TMEM62: variants seen among roughly 807,000 people sequenced by gnomAD.
TMEM62 encodes the protein transmembrane protein 62.
In TMEM62, 41 loss-of-function variants were observed where a neutral mutation model predicts 70.4. That is an observed-to-expected ratio of 0.58 (90% CI 0.45 to 0.76). TMEM62 has a LOEUF of 0.76. TMEM62 is among the 30% of genes least tolerant of loss of function. TMEM62 has a pLI of 0.00. For missense variants in TMEM62, 688 were observed against 788.5 expected, an observed-to-expected ratio of 0.87 and a Z score of 1.53; for synonymous variants, 268 against 291.0, an observed-to-expected ratio of 0.92 and a Z score of 0.80.
intron 8 of TMEM62, among the ~76,000 whole-genome samples, chr15:43,154,208 T>C (rs1402151765): frequency 6.6e-6 from 1 of 152,212 alleles, no homozygotes; most frequent in Non-Finnish European, 1.5e-5. Flanking sequence ...TTAGGTGTCA[T>C]ACTCTCTGAA....
chr15:43,151,867 T>A lies in TMEM62; in HGVS notation c.944T>A (p.Ile315Asn), dbSNP rs774445765. Residue 315 changes from isoleucine to asparagine, a missense_variant, in exon 8 of 14, where the codon ATC becomes AAC. By Grantham distance (149) the Ile-to-Asn change is moderately radical. Transcript: ENST00000260403. ...TTTGGGAAGTGGCCTGTGGTTCTTA[T>A]CACCAATCCTAAATCACTCCTTTAT... ...LIFGKWPVVL[I>N]TNPKSLLYSC... 1 of 1,614,038 alleles carries A rather than the reference T, an allele frequency of 6.2e-7. No individual in the cohort carries two copies. Among genetic ancestry groups the A allele is most frequent in the Non-Finnish European group, 8.5e-7 (1 of 1,179,944 alleles).
chr15:43,134,196 C>T (rs1272298817), intron 1 of TMEM62, 61 bp from the exon 2 acceptor site: 8 of 1,559,170 alleles, frequency 5.1e-6, no homozygotes, highest in Non-Finnish European at 7.1e-6. Flanking sequence ...CGCTGAGCCG[C>T]CCCTCCCCAT....
intron 4 of TMEM62, among the ~76,000 whole-genome samples, chr15:43,142,005 A>G (rs149997591): frequency 6.6e-6 from 1 of 152,344 alleles, no homozygotes; most frequent in African/African-American, 2.4e-5. Flanking sequence ...TTGAGAAGGA[A>G]TCTACTCCTT....
chr15:43,182,979 T>C (rs144335170), intron 13 of TMEM62, among the ~76,000 whole-genome samples: 8 of 152,374 alleles, frequency 5.3e-5, no homozygotes, highest in African/African-American at 1.9e-4. Flanking sequence ...CAAGTGCCTC[T>C]ATATCCAATG....
intron 9 of TMEM62, among the ~76,000 whole-genome samples, chr15:43,157,879 T>C (rs935166655): frequency 2.0e-5 from 3 of 152,240 alleles, no homozygotes; most frequent in Non-Finnish European, 2.9e-5. Context: ...AATAGATATG[T>C]ATATTTTCAT....
At chr15:43,150,472 G>A (rs1022189441) in intron 7 of TMEM62, among the ~76,000 whole-genome samples, 1 of 152,134 alleles carries the variant, frequency 6.6e-6, no homozygotes, top group African/African-American at 2.4e-5. Flanking sequence ...CAGATAAAAG[G>A]ACCTAAACTT....
At chr15:43,159,195 G>T (rs916013595) in intron 9 of TMEM62, among the ~76,000 whole-genome samples, 1 of 152,268 alleles carries the variant, frequency 6.6e-6, no homozygotes, top group South Asian at 2.1e-4. Flanking sequence ...TCACATCATG[G>T]AAAATGGAGT....
intron 4 of TMEM62, among the ~76,000 whole-genome samples, chr15:43,142,327 C>T (rs576284184): frequency 8.4e-4 from 128 of 151,672 alleles, no homozygotes; most frequent in Non-Finnish European, 1.4e-3. Flanking sequence ...CACCATGACC[C>T]GCTAATTTTT....
chr15:43,135,752 AC>A (rs1455344214), intron 3 of TMEM62, 103 bp downstream of exon 3: 1 of 1,325,744 alleles, frequency 7.5e-7, no homozygotes, highest in African/African-American at 1.5e-5. Context: ...TGGGACATTT[AC>A]ATATACTAAA....
intron 9 of TMEM62, among the ~76,000 whole-genome samples, chr15:43,155,334 A>C (rs2037915098): frequency 6.6e-6 from 1 of 151,874 alleles, no homozygotes; most frequent in Non-Finnish European, 1.5e-5. Flanking sequence ...GCATCTCAAC[A>C]AAAAAATAAA....
At chr15:43,157,608 A>G (rs1018298215) in intron 9 of TMEM62, among the ~76,000 whole-genome samples, 4 of 152,204 alleles carry the variant, frequency 2.6e-5, no homozygotes, top group African/African-American at 7.2e-5. Flanking sequence ...CCATGTATCC[A>G]TCAGCCAGTC....
At chr15:43,169,332 T>G (rs553608538) in intron 10 of TMEM62, among the ~76,000 whole-genome samples, 1 of 152,342 alleles carries the variant, frequency 6.6e-6, no homozygotes, top group South Asian at 2.1e-4. Flanking sequence ...GTATTCCTTT[T>G]ACTTTATCAC....
chr15:43,136,925 T>G (rs1000887594), intron 3 of TMEM62, among the ~76,000 whole-genome samples: 1 of 151,062 alleles, frequency 6.6e-6, no homozygotes, highest in African/African-American at 2.4e-5. Context: ...ATTTTTGAAG[T>G]TTTTTTTTGT....
intron 2 of TMEM62, 108 bp from the exon 3 acceptor site, chr15:43,135,404 C>A: frequency 1.7e-6 from 2 of 1,146,040 alleles, no homozygotes; most frequent in Non-Finnish European, 2.4e-6. Flanking sequence ...TGCTTATACA[C>A]GTTGAGTGCT....
chr15:43,169,111 A>G (rs761619000), intron 10 of TMEM62: 11 of 155,728 alleles, frequency 7.1e-5, no homozygotes, highest in Non-Finnish European at 1.6e-4. Context: ...TGTGTTGTCT[A>G]CGCTTTTTAG....
intron 13 of TMEM62, among the ~76,000 whole-genome samples, chr15:43,182,297 G>C (rs1215433021): frequency 1.3e-5 from 2 of 152,182 alleles, no homozygotes; most frequent in Non-Finnish European, 2.9e-5. Context: ...CCTTCTAACA[G>C]GGCAGTAGAA....
intron 1 of TMEM62, 68 bp downstream of exon 1, chr15:43,134,050 G>A: frequency 7.0e-7 from 1 of 1,437,700 alleles, no homozygotes; most frequent in Admixed American, 2.8e-5. Flanking sequence ...GACCCTTGCG[G>A]GTGTTGGGCC....
At chr15:43,147,659 T>C (rs537461931) in intron 5 of TMEM62, among the ~76,000 whole-genome samples, 9 of 152,358 alleles carry the variant, frequency 5.9e-5, no homozygotes, top group Admixed American at 5.9e-4. Flanking sequence ...GTCAAATGCA[T>C]TGTGTTACTT....
intron 10 of TMEM62, among the ~76,000 whole-genome samples, chr15:43,163,864 T>C (rs1246594765): frequency 6.6e-6 from 1 of 152,166 alleles, no homozygotes; most frequent in African/African-American, 2.4e-5. Context: ...CCTAACAGGC[T>C]TTAGTGGATT....
Sources: allele counts gnomAD v4.1 joint callset (sites outside exome capture counted in the v4.1 genomes callset), GRCh38; gene constraint gnomAD v4.1.1; transcripts MANE v1.5; gene names NCBI Gene and HGNC (gene_info 2026-07-23, HGNC 2026-07-21).